S100Z: variants seen among roughly 807,000 people sequenced by gnomAD.
S100Z encodes the protein S100 calcium binding protein Z.
In S100Z, 11 loss-of-function variants were observed where a neutral mutation model predicts 8.5. The observed-to-expected ratio is 1.30, with a 90% confidence interval of 0.82 to 2.15. S100Z has a LOEUF of 2.15. Among genes scored for constraint, S100Z ranks in the 30% most tolerant of loss-of-function variants. The pLI is 0.00. For synonymous variants in S100Z, 34 were observed against 43.8 expected (o/e 0.78, Z 0.89); for missense variants, 126 against 117.9 (o/e 1.07, Z -0.32).
chr5:76,923,476 G>A (rs1279836570), downstream of S100Z, among the ~76,000 whole-genome samples: 3 of 152,142 alleles, frequency 2.0e-5, no homozygotes, highest in Non-Finnish European at 2.9e-5. Context: ...ATGCCTAGTT[G>A]CCCACTTTTA....
intron 1 of S100Z, among the ~76,000 whole-genome samples, chr5:76,868,985 G>C (rs1028194033): frequency 6.6e-6 from 1 of 152,080 alleles, no homozygotes; most frequent in Non-Finnish European, 1.5e-5. Flanking sequence ...TTCTCCCTTT[G>C]ATGAAGCAAA....
intron 2 of S100Z, among the ~76,000 whole-genome samples, chr5:76,871,161 ACC>A (rs1292988162): frequency 1.3e-5 from 2 of 152,072 alleles, no homozygotes; most frequent in Non-Finnish European, 1.5e-5. Context: ...CAGATAGCAG[ACC>A]ATGAAGGAAA....
chr5:76,950,989 C>T, the S100Z span, among the ~76,000 whole-genome samples: 2 of 151,922 alleles, frequency 1.3e-5, no homozygotes, highest in African/African-American at 4.8e-5. Flanking sequence ...TAGTTTTTCT[C>T]GATAGCTTGT....
chr5:76,908,331 T>C (rs1744527861), intron 4 of S100Z, among the ~76,000 whole-genome samples: 1 of 152,164 alleles, frequency 6.6e-6, no homozygotes, highest in Non-Finnish European at 1.5e-5. Context: ...CTCAAAGTCA[T>C]GTCGCCCAAG....
At chr5:76,885,710 A>G (rs1743595269) in intron 4 of S100Z, among the ~76,000 whole-genome samples, 1 of 149,708 alleles carries the variant, frequency 6.7e-6, no homozygotes, top group Non-Finnish European at 1.5e-5. Context: ...CTTGTCCCCC[A>G]GGAAAGTGGG....
the S100Z span, chr5:76,952,852 A>T: frequency 2.2e-6 from 1 of 451,430 alleles, no homozygotes; most frequent in East Asian, 3.8e-5. Flanking sequence ...AGTTGTAGTG[A>T]CTGAAATCAT....
intron 4 of S100Z, among the ~76,000 whole-genome samples, chr5:76,890,846 T>G (rs968918239): frequency 6.6e-6 from 1 of 152,084 alleles, no homozygotes; most frequent in African/African-American, 2.4e-5. Flanking sequence ...CATTATAGGA[T>G]TTTTCAGTTT....
intron 4 of S100Z, chr5:76,878,308 T>C (rs974066016): frequency 1.3e-5 from 2 of 152,806 alleles, no homozygotes; most frequent in Non-Finnish European, 2.9e-5. Context: ...GCTGGCTTTT[T>C]CAGTGATTTC....
At chr5:76,926,705 G>A in the S100Z span, among the ~76,000 whole-genome samples, 1 of 152,162 alleles carries the variant, frequency 6.6e-6, no homozygotes, top group Admixed American at 6.6e-5. Flanking sequence ...AAGCAAAGAG[G>A]GGATCTGGAG....
At chr5:76,855,209 C>A (rs1227119875) in intron 1 of S100Z, among the ~76,000 whole-genome samples, 1 of 152,170 alleles carries the variant, frequency 6.6e-6, no homozygotes, top group Non-Finnish European at 1.5e-5. Context: ...GGGGTTGTAG[C>A]CCCCACACAG....
At chr5:76,910,240 G>C (rs888631151) in intron 4 of S100Z, among the ~76,000 whole-genome samples, 1 of 152,158 alleles carries the variant, frequency 6.6e-6, no homozygotes, top group African/African-American at 2.4e-5. Flanking sequence ...ACTCACTAGA[G>C]GGTCAACTGA....
At chr5:76,950,689 T>C in the S100Z span, among the ~76,000 whole-genome samples, 2 of 152,296 alleles carry the variant, frequency 1.3e-5, no homozygotes, top group East Asian at 3.9e-4. Context: ...ATACAGGTAA[T>C]TTCCAATCAG....
chr5:76,881,580 T>C (rs1732116920), intron 4 of S100Z, among the ~76,000 whole-genome samples: 1 of 152,146 alleles, frequency 6.6e-6, no homozygotes, highest in South Asian at 2.1e-4. Flanking sequence ...AATGAGAAGT[T>C]CTAAGAGGCG....
At chr5:76,872,370 A>G (rs1172420604) in intron 2 of S100Z, among the ~76,000 whole-genome samples, 1 of 151,970 alleles carries the variant, frequency 6.6e-6, no homozygotes, top group East Asian at 1.9e-4. Context: ...CTCTTTAAGT[A>G]TTTCACAGAG....
chr5:76,887,305 G>A (rs771992103), intron 4 of S100Z, among the ~76,000 whole-genome samples: 28 of 150,474 alleles, frequency 1.9e-4, no homozygotes, highest in Non-Finnish European at 3.2e-4. Context: ...CCATGTTGGG[G>A]CCAGAAAGGT....
chr5:76,949,126 C>T, the S100Z span, among the ~76,000 whole-genome samples: 5 of 152,178 alleles, frequency 3.3e-5, no homozygotes, highest in African/African-American at 4.8e-5. Flanking sequence ...CAGTGGCTCA[C>T]GCCTGTAATC....
intron 4 of S100Z, among the ~76,000 whole-genome samples, chr5:76,904,190 C>A (rs556716009): frequency 6.6e-6 from 1 of 151,980 alleles, no homozygotes; most frequent in South Asian, 2.1e-4. Context: ...TATTTGTCCC[C>A]CCTAACCCCA....
At chr5:76,865,673 T>G (rs1751249019) in intron 1 of S100Z, among the ~76,000 whole-genome samples, 1 of 151,870 alleles carries the variant, frequency 6.6e-6, no homozygotes, top group South Asian at 2.1e-4. Flanking sequence ...AAGTGAAGTG[T>G]TATTACAAAA....
chr5:76,860,348 A>C (rs543134332), intron 1 of S100Z, among the ~76,000 whole-genome samples: 21 of 152,296 alleles, frequency 1.4e-4, no homozygotes, highest in Admixed American at 4.6e-4. Flanking sequence ...ATGGGCTTGC[A>C]TCACAGATCA....
Sources: gnomAD v4.1 joint callset for allele counts (sites outside exome capture counted in the v4.1 genomes callset) on GRCh38, gnomAD v4.1.1 for gene constraint, MANE v1.5 for transcripts, NCBI Gene and HGNC (gene_info 2026-07-23, HGNC 2026-07-21) for gene names.